Variants in C5orf15 observed in about 807,000 individuals in gnomAD.
C5orf15 encodes the protein chromosome 5 open reading frame 15.
Under a neutral mutation model 17.8 loss-of-function variants are expected in C5orf15, and 10 were observed. The ratio of observed to expected loss-of-function variants is 0.56; its 90% CI spans 0.35 to 0.95. The LOEUF is 0.95. Ranked by LOEUF, C5orf15 falls within the 40% of genes least tolerant of loss-of-function variation. C5orf15 has a pLI of 0.02. For missense variants in C5orf15, 319 were observed against 331.7 expected, an observed-to-expected ratio of 0.96 and a Z score of 0.30; for synonymous variants, 124 against 131.0, an observed-to-expected ratio of 0.95 and a Z score of 0.36.
At chr5:133,963,183 C>A (rs1752146673) in intron 1 of C5orf15, among the ~76,000 whole-genome samples, 1 of 152,140 alleles carries the variant, frequency 6.6e-6, no homozygotes, top group African/African-American at 2.4e-5. Flanking sequence ...GTCCATTTAC[C>A]CTTCTACTCT....
At chr5:133,957,362 C>CAA (rs542952355) in intron 2 of C5orf15, among the ~76,000 whole-genome samples, 22 of 102,144 alleles carry the variant, frequency 2.2e-4, no homozygotes, top group Non-Finnish European at 2.0e-4. Flanking sequence ...GACCCTGTCT[C>CAA]AAAAAAAAAA....
chr5:133,956,825 T>C lies in C5orf15; in HGVS notation c.*34A>G. The C allele has an allele frequency of 6.4e-7, 1 of 1,562,448 alleles. No individual in the cohort carries two copies. Reference sequence around the variant, plus strand: ...AATATCATATAAAAAGTCAAGCAAATAAAATTACATAAGCAAATTCAAATC... The same window carrying C: ...AATATCATATAAAAAGTCAAGCAAACAAAATTACATAAGCAAATTCAAATC... On this transcript the variant is annotated 3_prime_UTR_variant, in exon 3 of 3. Coordinates refer to ENST00000231512, the MANE Select transcript of C5orf15 (RefSeq NM_020199.3).
At chr5:133,965,663 C>T (rs574515868) in intron 1 of C5orf15, among the ~76,000 whole-genome samples, 1 of 152,318 alleles carries the variant, frequency 6.6e-6, no homozygotes, top group South Asian at 2.1e-4. Context: ...CGGTGGCTCA[C>T]GCCTGTAACC....
intron 1 of C5orf15, among the ~76,000 whole-genome samples, chr5:133,962,839 T>A (rs1363325081): frequency 6.6e-6 from 1 of 152,214 alleles, no homozygotes; most frequent in Non-Finnish European, 1.5e-5. Flanking sequence ...ACGGTCACCA[T>A]CAAAACTTGC....
chr5:133,965,927 A>G (rs1208011026), intron 1 of C5orf15, among the ~76,000 whole-genome samples: 2 of 151,362 alleles, frequency 1.3e-5, no homozygotes, highest in African/African-American at 2.4e-5. Context: ...CCTGTCTCAA[A>G]CAAACAAACA....
intron 1 of C5orf15, among the ~76,000 whole-genome samples, chr5:133,966,078 C>T (rs1231833265): frequency 1.3e-5 from 2 of 151,894 alleles, no homozygotes; most frequent in African/African-American, 4.8e-5. Flanking sequence ...CAAAAACTAG[C>T]CAGGTGTGGT....
chr5:133,956,837 A>C lies in C5orf15; in HGVS notation c.*22T>G. On this transcript the variant is annotated 3_prime_UTR_variant, in exon 3 of 3. Transcript: ENST00000231512. ...AAAGTCAAGCAAATAAAATTACATA[A>C]GCAAATTCAAATCACAGTGCTTTAA... 6.4e-7 allele frequency: 1 copy of C among 1,571,736 alleles called. No individual in the cohort carries two copies. Among genetic ancestry groups the C allele is most frequent in the South Asian group, 1.2e-5 (1 of 82,448 alleles).
Position 133,959,747 on chromosome 5 carries a change from G to A in C5orf15, c.413C>T (p.Thr138Ile), listed in dbSNP as rs1435612343. ...GCCATTGTCTAGAGTGTCTTTGGCT[G>A]TGGATGGAGAACTGTTCAGCATGAG... ...DLLMLNSSPS[T>I]AKDTLDNGDY... The change falls in exon 2 of 3, where the codon ACA (threonine) becomes ATA (isoleucine). Residue 138 changes from threonine to isoleucine, a missense_variant. By Grantham distance (89) the Thr-to-Ile change is moderately conservative. Around this residue, in one of 3 missense-constraint regions of C5orf15, gnomAD observed 175 missense variants for 192.4 expected, o/e 0.91. Coordinates refer to ENST00000231512, the MANE Select transcript of C5orf15 (RefSeq NM_020199.3). 2.5e-6 allele frequency: 4 copies of A among 1,614,146 alleles called. No individual in the cohort carries two copies. Among genetic ancestry groups the A allele is most frequent in the Non-Finnish European group, 3.4e-6 (4 of 1,180,028 alleles).
intron 2 of C5orf15, 97 bp downstream of exon 2, chr5:133,959,397 T>A (rs1203491427): frequency 1.2e-6 from 1 of 862,550 alleles, no homozygotes; most frequent in African/African-American, 2.0e-5. Flanking sequence ...CACTACACTT[T>A]TTTTTGCAAA....
intron 2 of C5orf15, among the ~76,000 whole-genome samples, chr5:133,958,717 A>AT (rs1752074673): frequency 6.6e-6 from 1 of 151,934 alleles, no homozygotes; most frequent in Non-Finnish European, 1.5e-5. Flanking sequence ...AGTAGTTTAA[A>AT]TTTTCTTTTC....
rs540381388 is a variant in C5orf15 at position 133,958,526 on chromosome 5, G to A, written c.666+968C>T. ...TGGGAGGTGGAGGTTGCAGTGAGCC[G>A]AGATCGCACCACTGCTCTCCAGCCT... On this transcript the variant is annotated intron_variant, in intron 2 of 2. Coordinates refer to ENST00000231512, the MANE Select transcript of C5orf15 (RefSeq NM_020199.3). Among the ~76,000 whole-genome samples, 245 of 130,226 alleles carry A rather than the reference G, an allele frequency of 1.9e-3. 4 individuals carry two copies. Among genetic ancestry groups the A allele is most frequent in the South Asian group, 3.2e-3 (13 of 4,000 alleles). 85.4% of individuals were successfully genotyped at this position (130,226 alleles called of 152,430 possible). A position where few individuals can be genotyped will look rare whatever the true frequency, so the allele number is the denominator to read the frequency against.
intron 2 of C5orf15, among the ~76,000 whole-genome samples, chr5:133,957,362 CA>C (rs542952355): frequency 2.6e-3 from 264 of 102,088 alleles, no homozygotes; most frequent in Non-Finnish European, 2.9e-3. Flanking sequence ...GACCCTGTCT[CA>C]AAAAAAAAAA....
At chr5:133,963,591 T>C (rs1752151354) in intron 1 of C5orf15, among the ~76,000 whole-genome samples, 1 of 152,220 alleles carries the variant, frequency 6.6e-6, no homozygotes, top group Non-Finnish European at 1.5e-5. Context: ...CTTAGGTTTT[T>C]CTTTTTACCT....
Position 133,960,011 on chromosome 5 carries a change from C to T in C5orf15, c.149G>A (p.Arg50Gln), listed in dbSNP as rs373247394. Residue 50 changes from arginine to glutamine, a missense_variant, in exon 2 of 3, where the codon CGG becomes CAG. Physicochemically the swap from Arg to Gln is conservative, Grantham distance 43. Around this residue, in one of 3 missense-constraint regions of C5orf15, gnomAD observed 127 missense variants for 95.6 expected, o/e 1.33. Transcript: ENST00000231512. ...VSAALSSVVS[R>Q]TDSPSPTVLN... The stretch of plus-strand genomic sequence containing the variant: ...TACGGTTGGGCTCGGTGAATCAGTC[C>T]GTGATACAACTGAAACAAACAAAGA... The T allele has an allele frequency of 2.4e-5, 38 of 1,594,114 alleles. No homozygotes were observed. Among genetic ancestry groups the T allele is most frequent in the Admixed American group, 1.0e-4 (6 of 57,900 alleles).
intron 1 of C5orf15, among the ~76,000 whole-genome samples, chr5:133,965,712 G>C (rs769150752): frequency 6.6e-6 from 1 of 151,818 alleles, no homozygotes; most frequent in Non-Finnish European, 1.5e-5. Context: ...GATCGCTTAA[G>C]CACAGGAATT....
chr5:133,968,438 C>G lies in C5orf15; in HGVS notation c.139+8G>C. ...CCTTCCTAAGCCCACACTGCCGCCC[C>G]CCTTTACCACTGGATAGAGCGGCGG... is the stretch of plus-strand genomic sequence containing the variant. On this transcript the variant is annotated splice_region_variant and intron_variant, in intron 1 of 2. Transcript: ENST00000231512. 1 of 1,603,120 alleles carries G rather than the reference C, an allele frequency of 6.2e-7. No homozygotes were observed. Among genetic ancestry groups the G allele is most frequent in the Non-Finnish European group, 8.5e-7 (1 of 1,175,436 alleles).
chr5:133,959,945 G>A lies in C5orf15; in HGVS notation c.215C>T (p.Thr72Ile). The A allele has an allele frequency of 6.2e-7, 1 of 1,614,060 alleles. No individual in the cohort carries two copies. The highest frequency in any genetic ancestry group is 1.6e-4 in the Middle Eastern group (1 of 6,062). Reference sequence around the variant, plus strand: ...AGAAGGTTTGGTTTGGTTTTCATGTGTTAAAGCATTCACATTTGGGGTAGA... The same window carrying A: ...AGAAGGTTTGGTTTGGTTTTCATGTATTAAAGCATTCACATTTGGGGTAGA... ...HISTPNVNAL[T>I]HENQTKPSIS... The change falls in exon 2 of 3, where the codon ACA becomes ATA. Residue 72 changes from threonine to isoleucine, a missense_variant. Physicochemically the swap from Thr to Ile is moderately conservative, Grantham distance 89. Coordinates refer to ENST00000231512, the MANE Select transcript of C5orf15 (RefSeq NM_020199.3).
At chr5:133,968,352 A>G in intron 1 of C5orf15, 94 bp downstream of exon 1, 1 of 1,500,222 alleles carries the variant, frequency 6.7e-7, no homozygotes, top group Non-Finnish European at 9.0e-7. Context: ...TGCTCCTGAC[A>G]CTTGGAAGCG....
chr5:133,964,512 T>C (rs1158952290), intron 1 of C5orf15, among the ~76,000 whole-genome samples: 1 of 152,194 alleles, frequency 6.6e-6, no homozygotes, highest in Non-Finnish European at 1.5e-5. Context: ...GTTAATATCC[T>C]GGTCGTGATA....
Sources: allele counts gnomAD v4.1 joint callset (sites outside exome capture counted in the v4.1 genomes callset), GRCh38; gene constraint gnomAD v4.1.1; regional missense constraint gnomAD v4.1.1; transcripts MANE v1.5; gene names NCBI Gene and HGNC (gene_info 2026-07-23, HGNC 2026-07-21).